ADAM23: variants seen among roughly 807,000 people sequenced by gnomAD.
ADAM23 encodes the protein disintegrin and metalloproteinase domain-containing protein 23.
Under a neutral mutation model 120.1 loss-of-function variants are expected in ADAM23, and 33 were observed. That is an observed-to-expected ratio of 0.27 (90% CI 0.21 to 0.37). The LOEUF (loss-of-function observed/expected upper bound fraction) is 0.37, where lower values mean the gene tolerates loss of function less well. Among genes scored for constraint, ADAM23 ranks in the 10% least tolerant of loss-of-function variants. The pLI, the probability that ADAM23 is intolerant of heterozygous loss-of-function variation, is 1.00. For synonymous variants in ADAM23, 367 were observed against 375.2 expected (o/e 0.98, Z 0.25); for missense variants, 862 against 1,058.2 (o/e 0.81, Z 2.57).
At chr2:206,467,830 T>A (rs577837588) in intron 2 of ADAM23, among the ~76,000 whole-genome samples, 1 of 152,208 alleles carries the variant, frequency 6.6e-6, no homozygotes, top group South Asian at 2.1e-4. Context: ...TTTCCATATA[T>A]CCCCTTGAAG....
At chr2:206,536,757 G>C (rs1243097729) in intron 4 of ADAM23, among the ~76,000 whole-genome samples, 1 of 152,026 alleles carries the variant, frequency 6.6e-6, no homozygotes, top group Non-Finnish European at 1.5e-5. Flanking sequence ...TCAGGCTGGA[G>C]TGCAGTGGTG....
At chr2:206,600,403 T>A (rs1325570421) in intron 24 of ADAM23, among the ~76,000 whole-genome samples, 1 of 152,128 alleles carries the variant, frequency 6.6e-6, no homozygotes, top group Non-Finnish European at 1.5e-5. Flanking sequence ...AAATACTTAG[T>A]TTTATTTAAT....
intron 2 of ADAM23, 63 bp from the exon 3 acceptor site, chr2:206,481,166 TTGA>T (rs1559226906): frequency 2.6e-5 from 32 of 1,247,510 alleles, no homozygotes; most frequent in Non-Finnish European, 3.5e-5. Context: ...AATATCATTC[TTGA>T]TAATAATCTG....
intron 2 of ADAM23, among the ~76,000 whole-genome samples, chr2:206,477,891 A>AT (rs1229595648): frequency 0.023 from 2,157 of 94,156 alleles, 32 homozygotes; most frequent in Non-Finnish European, 0.033. Context: ...AAAAAAAAAA[A>AT]AAAAAAATAT....
chr2:206,478,518 T>TGATGATGATGATGATGATGATGATGGC (rs1320840259), intron 2 of ADAM23, among the ~76,000 whole-genome samples: 1 of 151,902 alleles, frequency 6.6e-6, no homozygotes. Flanking sequence ...ATGATGATGA[T>TGATGATGATGATGATGATGATGATGGC]GATGATGATG....
At chr2:206,591,362 G>C (rs893022596) in intron 21 of ADAM23, among the ~76,000 whole-genome samples, 4 of 152,022 alleles carry the variant, frequency 2.6e-5, no homozygotes, top group African/African-American at 9.7e-5. Flanking sequence ...CTTTTCTTTA[G>C]AGTTTTACTG....
chr2:206,579,579 T>C (rs1227576471), intron 18 of ADAM23, among the ~76,000 whole-genome samples: 1 of 152,222 alleles, frequency 6.6e-6, no homozygotes, highest in Non-Finnish European at 1.5e-5. Flanking sequence ...CTATATGCCA[T>C]TGGTCTATAT....
intron 2 of ADAM23, among the ~76,000 whole-genome samples, chr2:206,453,346 A>C (rs1695234936): frequency 6.6e-6 from 1 of 152,244 alleles, no homozygotes; most frequent in Non-Finnish European, 1.5e-5. Flanking sequence ...ACATCATGTC[A>C]TCTCCATCTT....
chr2:206,446,050 TAGGTAAACA>T (rs1011326622), intron 2 of ADAM23, among the ~76,000 whole-genome samples: 1 of 152,224 alleles, frequency 6.6e-6, no homozygotes, highest in Non-Finnish European at 1.5e-5. Flanking sequence ...GTATTTTCAA[TAGGTAAACA>T]ATTTGACATT....
intron 2 of ADAM23, among the ~76,000 whole-genome samples, chr2:206,478,931 G>T (rs1445660335): frequency 6.6e-6 from 1 of 152,112 alleles, no homozygotes; most frequent in Non-Finnish European, 1.5e-5. Flanking sequence ...GCCTGGATGG[G>T]GTTCAGCCAT....
rs530993094 is a variant in ADAM23, at chr2:206,592,667, G to A, written c.2009G>A (p.Arg670His). The A allele has an allele frequency of 1.1e-5, 18 of 1,613,796 alleles. No homozygotes were observed. The highest frequency in any genetic ancestry group is 3.3e-5 in the Admixed American group (2 of 59,980). The change falls in exon 22 of 26, where the codon CGT (arginine) becomes CAT (histidine). Residue 670 changes from arginine (R) to histidine (H), a missense_variant. Around this residue, in one of 4 missense-constraint regions of ADAM23, gnomAD observed 617 missense variants for 813.5 expected, o/e 0.76. Coordinates refer to ENST00000264377, the MANE Select transcript of ADAM23 (RefSeq NM_003812.4). ...TGTACCAATCTTACTCGAGCTCCAC[G>A]TATTGGTCAACTTCAGGGTGAGATC... is the stretch of plus-strand genomic sequence containing the variant. The part of the protein sequence containing the change: ...LLCTNLTRAP[R>H]IGQLQGEIIP...
chr2:206,601,609 TA>T (rs1428655262), intron 24 of ADAM23, among the ~76,000 whole-genome samples: 2 of 151,422 alleles, frequency 1.3e-5, no homozygotes, highest in East Asian at 3.9e-4. Context: ...CCCGTCTATA[TA>T]AAAAAATAAA....
At chr2:206,526,789 C>T (rs1402544436) in intron 3 of ADAM23, among the ~76,000 whole-genome samples, 1 of 152,218 alleles carries the variant, frequency 6.6e-6, no homozygotes, top group Non-Finnish European at 1.5e-5. Flanking sequence ...TGACCTGATT[C>T]TTGGCTCATT....
intron 4 of ADAM23, among the ~76,000 whole-genome samples, chr2:206,541,005 A>T (rs2105806186): frequency 1.3e-5 from 2 of 149,762 alleles, no homozygotes; most frequent in Middle Eastern, 7.0e-3. Flanking sequence ...ATTTATTTTA[A>T]AAAGCTGCCC....
At chr2:206,523,286 C>T (rs1696880791) in intron 3 of ADAM23, among the ~76,000 whole-genome samples, 3 of 113,882 alleles carry the variant, frequency 2.6e-5, no homozygotes, top group African/African-American at 1.1e-4. Context: ...TTTAGGAGAT[C>T]ATTAAATTTC....
intron 11 of ADAM23, among the ~76,000 whole-genome samples, chr2:206,560,839 T>A (rs1323717711): frequency 1.3e-5 from 2 of 152,234 alleles, no homozygotes; most frequent in East Asian, 3.8e-4. Flanking sequence ...CTAGATATTC[T>A]CTACTAGAAA....
intron 2 of ADAM23, among the ~76,000 whole-genome samples, chr2:206,473,377 G>T (rs994338590): frequency 1.3e-5 from 2 of 151,910 alleles, no homozygotes; most frequent in African/African-American, 2.4e-5. Context: ...ATTCAAATGC[G>T]CTTGTTGCCC....
rs1250236394 is a variant in ADAM23, at chr2:206,619,898, A to C, written c.*2271A>C. 3 of 152,222 alleles carry C rather than the reference A, an allele frequency of 2.0e-5. No individual in the cohort carries two copies. The highest frequency in any genetic ancestry group is 7.2e-5 in the African/African-American group (3 of 41,450). The allele number at this position is 152,222 out of a possible 1,614,324, so 9.4% of individuals were successfully genotyped here. A position where few individuals can be genotyped will look rare whatever the true frequency, so the allele number is the denominator to read the frequency against. ...AACAGGGCTATCTACAAGGCCTCTCAGCCTTACTCCTGGCTTCATAGGACA... is the reference window on the plus strand; with the variant it reads ...AACAGGGCTATCTACAAGGCCTCTCCGCCTTACTCCTGGCTTCATAGGACA... On this transcript the variant is annotated 3_prime_UTR_variant, in exon 26 of 26. Transcript: ENST00000264377.
chr2:206,474,013 AAAAAAAAAAAAC>A (rs1194936504), intron 2 of ADAM23, among the ~76,000 whole-genome samples: 1 of 146,646 alleles, frequency 6.8e-6, no homozygotes, highest in African/African-American at 2.6e-5. Flanking sequence ...CCCTGTCTCA[AAAAAAAAAAAAC>A]AAAAAAAAAA....
Sources: allele counts gnomAD v4.1 joint callset (sites outside exome capture counted in the v4.1 genomes callset), GRCh38; gene constraint gnomAD v4.1.1; regional missense constraint gnomAD v4.1.1; transcripts MANE v1.5; gene names NCBI Gene and HGNC (gene_info 2026-07-23, HGNC 2026-07-21).